MARK3: variants seen among roughly 807,000 people sequenced by gnomAD.
MARK3 encodes the protein MAP/microtubule affinity-regulating kinase 3.
Under a neutral mutation model 90.1 loss-of-function variants are expected in MARK3, and 46 were observed. The ratio of observed to expected loss-of-function variants is 0.51; its 90% CI spans 0.40 to 0.65. MARK3 has a LOEUF of 0.65. MARK3 is among the 30% of genes least tolerant of loss of function. The pLI, the probability that MARK3 is intolerant of heterozygous loss-of-function variation, is 0.00. For synonymous variants in MARK3, 321 were observed against 332.6 expected (o/e 0.97, Z 0.38); for missense variants, 818 against 947.2 (o/e 0.86, Z 1.79).
At chr14:103,401,835 T>C (rs2090982634) in intron 1 of MARK3, among the ~76,000 whole-genome samples, 1 of 152,094 alleles carries the variant, frequency 6.6e-6, no homozygotes, top group African/African-American at 2.4e-5. Flanking sequence ...AAGTAAGAAA[T>C]TCTGATGAGA....
chr14:103,425,514 CCCAA>C (rs2092375411), intron 2 of MARK3, among the ~76,000 whole-genome samples: 2 of 152,144 alleles, frequency 1.3e-5, no homozygotes, highest in Non-Finnish European at 2.9e-5. Flanking sequence ...CCACCCACCT[CCCAA>C]AGTGCTGGGA....
intron 17 of MARK3, among the ~76,000 whole-genome samples, chr14:103,501,905 G>C (rs1329352256): frequency 4.6e-5 from 7 of 152,206 alleles, no homozygotes; most frequent in Admixed American, 4.6e-4. Flanking sequence ...GACACGGAGA[G>C]CTATGTGCAT....
intron 1 of MARK3, among the ~76,000 whole-genome samples, chr14:103,388,593 A>G (rs766056010): frequency 2.0e-5 from 3 of 152,238 alleles, no homozygotes; most frequent in Non-Finnish European, 4.4e-5. Flanking sequence ...TGACAAGCGT[A>G]TAGTTATGTA....
chr14:103,438,694 C>A (rs117485834), intron 3 of MARK3, among the ~76,000 whole-genome samples: 145 of 151,352 alleles, frequency 9.6e-4, no homozygotes, highest in South Asian at 1.5e-3. Context: ...AATATTTGAT[C>A]ATAAAAAACA....
intron 2 of MARK3, among the ~76,000 whole-genome samples, chr14:103,412,983 T>C (rs1009193706): frequency 6.6e-6 from 1 of 151,678 alleles, no homozygotes; most frequent in African/African-American, 2.4e-5. Context: ...CAAGCAATTC[T>C]CCCACCTCAG....
chr14:103,454,077 A>G (rs938806576), intron 5 of MARK3, among the ~76,000 whole-genome samples: 53 of 152,196 alleles, frequency 3.5e-4, no homozygotes, highest in African/African-American at 1.2e-3. Flanking sequence ...AGAGACAGAC[A>G]TGGAGTGAAT....
chr14:103,470,550 G>C (rs2093609178), intron 12 of MARK3, among the ~76,000 whole-genome samples: 1 of 136,334 alleles, frequency 7.3e-6, no homozygotes, highest in Non-Finnish European at 1.5e-5. Context: ...CCGCCTCCTG[G>C]GTTCTAGCAA....
chr14:103,399,195 A>ATT (rs2090780706), intron 1 of MARK3, among the ~76,000 whole-genome samples: 1 of 152,224 alleles, frequency 6.6e-6, no homozygotes, highest in South Asian at 2.1e-4. Context: ...TGTGTCTAAG[A>ATT]AATGTTTTAA....
rs528612351 is a variant in MARK3, at chr14:103,484,659, G to A, written c.1586+4169G>A. The stretch of plus-strand genomic sequence containing the variant: ...AAAAGTTGCTTTTTTTAGGCTGGGC[G>A]CGGTGGCTCCCACCTGTAATCCCAG... On this transcript the variant is annotated intron_variant, in intron 14 of 17. Transcript: ENST00000429436. Among the ~76,000 whole-genome samples, 35 of 152,294 alleles carry A rather than the reference G, an allele frequency of 2.3e-4. No individual in the cohort carries two copies. The East Asian group carries it at 3.7e-3, about 16-fold the overall frequency.
At chr14:103,476,215 C>A (rs1465414151) in intron 13 of MARK3, among the ~76,000 whole-genome samples, 1 of 152,168 alleles carries the variant, frequency 6.6e-6, no homozygotes, top group African/African-American at 2.4e-5. Context: ...CACAGTCTAA[C>A]AGGAAGTGAA....
Position 103,480,384 on chromosome 14 carries a change from T to C in MARK3, c.1483-3T>C. Reference sequence around the variant, plus strand: ...TTTAAGACAAAAATGCCCTTTTTTATAGAGTAACACAGCATCTGGTGGAAT... The same window carrying C: ...TTTAAGACAAAAATGCCCTTTTTTACAGAGTAACACAGCATCTGGTGGAAT... On this transcript the variant is annotated splice_region_variant and splice_polypyrimidine_tract_variant and intron_variant, in intron 13 of 17. Transcript: ENST00000429436. 6.3e-7 allele frequency: 1 copy of C among 1,596,524 alleles called. No homozygotes were observed. The highest frequency in any genetic ancestry group is 8.6e-7 in the Non-Finnish European group (1 of 1,166,972).
In MARK3 at chr14:103,405,213, C is replaced by T; in HGVS notation, c.189C>T (p.Gly63=). ...ACTACAGACTGTTGAAAACAATCGG[C>T]AAGGGGAATTTTGCAAAAGTAAAAT... ...IGNYRLLKTI[G]KGNFAKVKLA... The change falls in exon 2 of 18, where the codon GGC becomes GGT. Residue 63 remains glycine, a synonymous_variant. Transcript: ENST00000429436. 1 of 1,581,218 alleles carries T rather than the reference C, an allele frequency of 6.3e-7. No individual in the cohort carries two copies. Among genetic ancestry groups the T allele is most frequent in the Non-Finnish European group, 8.6e-7 (1 of 1,166,232 alleles).
intron 6 of MARK3, 141 bp downstream of exon 6, chr14:103,457,353 A>T (rs149989308): frequency 1.6e-6 from 1 of 609,916 alleles, no homozygotes; most frequent in Non-Finnish European, 3.0e-6. Flanking sequence ...ACAAAAATTG[A>T]TGAAGAACTT....
intron 3 of MARK3, among the ~76,000 whole-genome samples, chr14:103,443,479 TG>T (rs1276493151): frequency 6.6e-6 from 1 of 152,222 alleles, no homozygotes; most frequent in Non-Finnish European, 1.5e-5. Context: ...CATTTATCTT[TG>T]TTTCCCCAAA....
intron 13 of MARK3, 84 bp downstream of exon 13, chr14:103,475,294 G>A: frequency 3.5e-6 from 4 of 1,151,508 alleles, no homozygotes; most frequent in Non-Finnish European, 5.1e-6. Context: ...TACTCCTGTG[G>A]TCTCTCGTAC....
At chr14:103,427,000 A>G (rs1385342921) in intron 2 of MARK3, among the ~76,000 whole-genome samples, 1 of 152,164 alleles carries the variant, frequency 6.6e-6, no homozygotes, top group African/African-American at 2.4e-5. Context: ...AATTGTAAAG[A>G]AAAGATTTGC....
chr14:103,431,693 C>CT (rs915828317), intron 3 of MARK3, among the ~76,000 whole-genome samples: 1 of 152,196 alleles, frequency 6.6e-6, no homozygotes, highest in African/African-American at 2.4e-5. Context: ...GATGGAGACA[C>CT]ACTCCTTCCC....
In MARK3 at chr14:103,491,816, C is replaced by T. The variant is rs1246360010; in HGVS notation, c.1626C>T (p.His542=). 1 of 1,614,172 alleles carries T rather than the reference C, an allele frequency of 6.2e-7. No homozygotes were observed. Among genetic ancestry groups the T allele is most frequent in the Non-Finnish European group, 8.5e-7 (1 of 1,180,022 alleles). Residue 542 remains histidine (H), a synonymous_variant, in exon 15 of 18, where the codon CAC becomes CAT. Coordinates refer to ENST00000429436, the MANE Select transcript of MARK3 (RefSeq NM_001128918.3). ...AGAGAACTCCAGTTGCTTCAACACA[C>T]AGTATCAGTAGTGCAGCCACCCCAG... ...PDQRTPVAST[H]SISSAATPDR... is the part of the protein sequence containing the mutation.
At chr14:103,466,821 A>G (rs11626483) in intron 10 of MARK3, among the ~76,000 whole-genome samples, 39,165 of 152,006 alleles carry the variant, frequency 0.26, 6,233 homozygotes, top group Middle Eastern at 0.43. Context: ...CCTGACCAAC[A>G]TGGAGAAACC....
Sources: allele counts gnomAD v4.1 joint callset (sites outside exome capture counted in the v4.1 genomes callset), GRCh38; gene constraint gnomAD v4.1.1; transcripts MANE v1.5; gene names NCBI Gene and HGNC (gene_info 2026-07-23, HGNC 2026-07-21).